The following CLCC1 variants were observed in gnomAD, a reference collection of about 807,000 sequenced individuals.
The protein encoded by CLCC1 is chloride channel CLIC like 1.
A neutral mutation model predicts 63.3 loss-of-function variants in CLCC1; 39 were observed. The ratio of observed to expected loss-of-function variants is 0.62; its 90% confidence interval spans 0.48 to 0.81. The LOEUF (loss-of-function observed/expected upper bound fraction) is 0.81, where lower values mean the gene tolerates loss of function less well. CLCC1 is among the 30% of genes least tolerant of loss of function. The pLI is 0.00. For synonymous variants in CLCC1, 217 were observed against 239.8 expected (o/e 0.90, Z 0.88); for missense variants, 549 against 669.4 (o/e 0.82, Z 1.98).
chr1:108,939,899 G>A (rs1236207332), intron 9 of CLCC1, 117 bp from the exon 10 acceptor site: 6 of 1,324,994 alleles, frequency 4.5e-6, no homozygotes, highest in Non-Finnish European at 6.2e-6. Flanking sequence ...ATGCTGTTGT[G>A]CCATTTTTAA....
intron 5 of CLCC1, among the ~76,000 whole-genome samples, chr1:108,945,533 G>C (rs1192618036): frequency 6.6e-6 from 1 of 152,188 alleles, no homozygotes; most frequent in Non-Finnish European, 1.5e-5. Flanking sequence ...AGTAACCACA[G>C]AACACCTCGA....
At position 108,949,866 on chromosome 1, in the gene CLCC1, T is replaced by C; in HGVS notation, c.185A>G (p.Asp62Gly). 1 of 1,598,214 alleles carries C rather than the reference T, an allele frequency of 6.3e-7. No individual in the cohort carries two copies. Among genetic ancestry groups the C allele is most frequent in the Non-Finnish European group, 8.5e-7 (1 of 1,174,308 alleles). ...KDVSPDLSCA[D>G]EISECYHKLD... ...TTTGTGATAACATTCTGATATTTCA[T>C]CAGCACATGACAAGTCAGGACTGAC... Residue 62 changes from aspartate (D) to glycine (G), a missense_variant, in exon 4 of 13, where the codon GAT becomes GGT. By Grantham distance (94) the Asp-to-Gly change is moderately conservative. Transcript: ENST00000369969.
intron 5 of CLCC1, among the ~76,000 whole-genome samples, chr1:108,944,474 A>AC (rs1018894698): frequency 5.3e-5 from 8 of 152,136 alleles, no homozygotes; most frequent in Non-Finnish European, 1.0e-4. Flanking sequence ...GTCTCTAAAA[A>AC]AAAAAAATAA....
intron 1 of CLCC1, among the ~76,000 whole-genome samples, chr1:108,962,855 A>T (rs1432081914): frequency 6.8e-6 from 1 of 147,002 alleles, no homozygotes; most frequent in Non-Finnish European, 1.5e-5. Context: ...TGGGTGACAC[A>T]GCAAGACTCC....
At chr1:108,939,295 TAC>T (rs932820423) in intron 10 of CLCC1, among the ~76,000 whole-genome samples, 7 of 146,024 alleles carry the variant, frequency 4.8e-5, no homozygotes, top group African/African-American at 1.5e-4. Context: ...TATATAAATA[TAC>T]ATATATGTAT....
chr1:108,937,179 ATC>A lies in CLCC1; in HGVS notation c.1279_1280del (p.Asp427CysfsTer2), dbSNP rs750385149. The part of the protein sequence containing the change: ...EGRREILRER[D>X]VDLRFQTGNK... ...TGCCAGTCTGAAATCTCAAGTCAAC[ATC>A]TCTCTCTCTCAAAATCTCTCTTCTA... On this transcript the variant is annotated frameshift_variant, in exon 11 of 13. Coordinates refer to ENST00000369969, the MANE Select transcript of CLCC1 (RefSeq NM_001377458.1). LOFTEE classifies it high-confidence loss of function. The A allele has an allele frequency of 5.7e-6, 9 of 1,591,390 alleles. No homozygotes were observed. The highest frequency in any genetic ancestry group is 1.7e-4 in the Middle Eastern group (1 of 5,972).
intron 7 of CLCC1, among the ~76,000 whole-genome samples, chr1:108,941,710 G>C (rs1265304095): frequency 6.6e-6 from 1 of 151,988 alleles, no homozygotes; most frequent in Non-Finnish European, 1.5e-5. Flanking sequence ...CTGGTGTGCG[G>C]TGGCACAATC....
At chr1:108,943,363 TA>T in intron 7 of CLCC1, 111 bp downstream of exon 7, 1 of 1,084,258 alleles carries the variant, frequency 9.2e-7, no homozygotes, top group Non-Finnish European at 1.4e-6. Context: ...GGGCCACCTC[TA>T]ATCACTGCCT....
Position 108,929,654 on chromosome 1 carries a change from CTT to C in CLCC1, c.*2891_*2892del, listed in dbSNP as rs777636994. The C allele has an allele frequency of 6.3e-7, 1 of 1,590,592 alleles. No homozygotes were observed. The highest frequency in any genetic ancestry group is 8.6e-7 in the Non-Finnish European group (1 of 1,159,102). On this transcript the variant is annotated 3_prime_UTR_variant, in exon 13 of 13. Transcript: ENST00000369969. ...CTGAGAGATTTAACATAGCTTGGTG[CTT>C]TCTTTCCCACAGTATGTCTTTTAAT...
chr1:108,961,875 C>G lies in CLCC1; in HGVS notation c.-12+434G>C, dbSNP rs763759528. Among the ~76,000 whole-genome samples the G allele has an allele frequency of 2.6e-4, 39 of 151,932 alleles. 1 individual carries two copies. The highest frequency in any genetic ancestry group is 1.3e-4 in the Admixed American group (2 of 15,256). Reference sequence around the variant, plus strand: ...ACTCCGTCTAAAAAAAAAAAAGTAGCTAATATTTTGTTACTATGTGCTAAG... The same window carrying G: ...ACTCCGTCTAAAAAAAAAAAAGTAGGTAATATTTTGTTACTATGTGCTAAG... On this transcript the variant is annotated intron_variant, in intron 2 of 12. Transcript: ENST00000369969.
Position 108,931,414 on chromosome 1 carries a change from C to T in CLCC1, c.*1133G>A. ...TGGGACCTGGAGTAACACTGGATCACAGACTGCAAAGGCCCACGCTTGGAA... is the reference window on the plus strand; with the variant it reads ...TGGGACCTGGAGTAACACTGGATCATAGACTGCAAAGGCCCACGCTTGGAA... On this transcript the variant is annotated 3_prime_UTR_variant, in exon 13 of 13. Transcript: ENST00000369969. 6.4e-7 allele frequency: 1 copy of T among 1,551,136 alleles called. No individual in the cohort carries two copies.
intron 2 of CLCC1, among the ~76,000 whole-genome samples, chr1:108,951,932 A>G (rs1655230267): frequency 6.6e-6 from 1 of 151,536 alleles, no homozygotes; most frequent in African/African-American, 2.4e-5. Context: ...ACACCTGGCT[A>G]ATTTTTTAAA....
chr1:108,931,260 A>G lies in CLCC1; in HGVS notation c.*1287T>C. The stretch of plus-strand genomic sequence containing the variant: ...ACTCACAAAAATTAAATATGAAAGA[A>G]AGATGTCAGCTAGAACCTTAGTTGT... On this transcript the variant is annotated 3_prime_UTR_variant, in exon 13 of 13. Transcript: ENST00000369969. 2 of 1,451,900 alleles carry G rather than the reference A, an allele frequency of 1.4e-6. No individual in the cohort carries two copies. Among genetic ancestry groups the G allele is most frequent in the Admixed American group, 2.7e-5 (1 of 37,682 alleles). 89.9% of individuals were successfully genotyped at this position (1,451,900 alleles called of 1,614,324 possible). A position where few individuals can be genotyped will look rare whatever the true frequency, so the allele number is the denominator to read the frequency against.
At chr1:108,942,423 T>C (rs1436828255) in intron 7 of CLCC1, among the ~76,000 whole-genome samples, 1 of 152,226 alleles carries the variant, frequency 6.6e-6, no homozygotes, top group Non-Finnish European at 1.5e-5. Flanking sequence ...TGTGTTTAAT[T>C]TGTAAATAAT....
chr1:108,956,660 C>CAAAAAA (rs34324137), intron 2 of CLCC1, among the ~76,000 whole-genome samples: 1 of 133,644 alleles, frequency 7.5e-6, no homozygotes. Context: ...GACTCCGTCT[C>CAAAAAA]AAAAAAAAAA....
chr1:108,959,917 C>G (rs1255310321), intron 2 of CLCC1, among the ~76,000 whole-genome samples: 1 of 152,166 alleles, frequency 6.6e-6, no homozygotes, highest in African/African-American at 2.4e-5. Flanking sequence ...AACACTTGAG[C>G]CCAGGAGTTC....
intron 5 of CLCC1, among the ~76,000 whole-genome samples, chr1:108,946,486 G>A (rs72699261): frequency 0.037 from 5,591 of 152,194 alleles, 136 homozygotes; most frequent in Middle Eastern, 0.099. Flanking sequence ...ATAAGGTGGC[G>A]TTATTCATCT....
At position 108,929,643 on chromosome 1, in the gene CLCC1, AT is replaced by A; in HGVS notation, c.*2903del. ...TCTTGTTGTGACTGAGAGATTTAAC[AT>A]AGCTTGGTGCTTTCTTTCCCACAGT... On this transcript the variant is annotated 3_prime_UTR_variant, in exon 13 of 13. Coordinates refer to ENST00000369969, the MANE Select transcript of CLCC1 (RefSeq NM_001377458.1). 6.5e-7 allele frequency: 1 copy of A among 1,548,810 alleles called. No homozygotes were observed.
intron 2 of CLCC1, among the ~76,000 whole-genome samples, chr1:108,951,792 G>C (rs958366058): frequency 2.1e-4 from 31 of 147,250 alleles, no homozygotes; most frequent in African/African-American, 7.1e-4. Flanking sequence ...TTTGAGACAG[G>C]GTCTCTCCCT....
Sources: gnomAD v4.1 joint callset for allele counts (sites outside exome capture counted in the v4.1 genomes callset) on GRCh38, gnomAD v4.1.1 for gene constraint, MANE v1.5 for transcripts, NCBI Gene and HGNC (gene_info 2026-07-23, HGNC 2026-07-21) for gene names.